Variants in PCYT1B observed in about 807,000 individuals in gnomAD.
PCYT1B encodes phosphate cytidylyltransferase 1B, choline.
In PCYT1B, 10 loss-of-function variants were observed where a neutral mutation model predicts 26.4. That is an observed-to-expected ratio of 0.38 (90% confidence interval 0.23 to 0.64). The LOEUF (loss-of-function observed/expected upper bound fraction) is 0.64. Ranked by LOEUF, PCYT1B falls within the 30% of genes least tolerant of loss-of-function variation. The pLI, the probability that PCYT1B is intolerant of heterozygous loss-of-function variation, is 0.56. For missense variants in PCYT1B, 161 were observed against 292.7 expected (o/e 0.55, Z 3.28); for synonymous variants, 131 against 108.4 (o/e 1.21, Z -1.29).
intron 1 of PCYT1B, among the ~76,000 whole-genome samples, chrX:24,639,508 A>T (rs1408490205): frequency 1.8e-5 from 2 of 111,364 alleles, no homozygotes; most frequent in Admixed American, 9.6e-5. Context: ...ATTTGCTCTC[A>T]TCACTGCATC....
rs1923982160 is a variant in PCYT1B, at chrX:24,575,377, T to A, written c.709-59A>T. 8 of 872,522 alleles carry A rather than the reference T, an allele frequency of 9.2e-6. No homozygotes were observed. The East Asian group carries it at 2.6e-4, about 28-fold the overall frequency. The allele number at this position is 872,522 out of a possible 1,213,427, so 71.9% of individuals were successfully genotyped here. On this transcript the variant is annotated intron_variant, in intron 6 of 7. Coordinates refer to ENST00000379144, the MANE Select transcript of PCYT1B (RefSeq NM_004845.5). ...TTTATCCAAGAGGACATGAGAGAGA[T>A]CAATCATTCACATTAAAGTTCATAT...
intron 2 of PCYT1B, among the ~76,000 whole-genome samples, chrX:24,610,204 G>A (rs980966493): frequency 9.0e-6 from 1 of 111,601 alleles, no homozygotes; most frequent in African/African-American, 3.3e-5. Context: ...ATTTAAAATT[G>A]TGATTATTTC....
chrX:24,608,637 A>T (rs1421044941), intron 2 of PCYT1B, among the ~76,000 whole-genome samples: 2 of 111,524 alleles, frequency 1.8e-5, no homozygotes, highest in Non-Finnish European at 3.8e-5. Context: ...GGTCACACAG[A>T]CAGTGGCATC....
At chrX:24,605,574 T>C (rs778077329) in intron 3 of PCYT1B, among the ~76,000 whole-genome samples, 4 of 112,161 alleles carry the variant, frequency 3.6e-5, no homozygotes, top group Non-Finnish European at 7.5e-5. Flanking sequence ...TGTTCATGGC[T>C]GCATCCCCAG....
rs1310400457 is a variant in PCYT1B at position 24,558,328 on chromosome X, T to C, written c.*3965A>G. The C allele has an allele frequency of 3.6e-5, 4 of 111,937 alleles. No homozygotes were observed. The highest frequency in any genetic ancestry group is 9.8e-5 in the African/African-American group (3 of 30,670). The allele number at this position is 111,937 out of a possible 1,213,427, so 9.2% of individuals were successfully genotyped here. On this transcript the variant is annotated 3_prime_UTR_variant, in exon 8 of 8. Transcript: ENST00000379144. ...TATGTATGCTCTACTTATGGCTTTG[T>C]CCCTGGACACATCGCAGTGACACAA... is the stretch of plus-strand genomic sequence containing the variant.
chrX:24,594,322 G>A (rs115154685), intron 3 of PCYT1B, among the ~76,000 whole-genome samples: 4 of 111,380 alleles, frequency 3.6e-5, no homozygotes, highest in African/African-American at 1.3e-4. Flanking sequence ...CCCATAAACA[G>A]GAATTCTTTA....
At chrX:24,650,317 CT>C (rs575150338), upstream of PCYT1B, among the ~76,000 whole-genome samples, 992 of 75,668 alleles carry the variant, frequency 0.013, 21 homozygotes, top group African/African-American at 0.042. Flanking sequence ...TATTATGTAG[CT>C]TTTTTTTTTT....
intron 7 of PCYT1B, among the ~76,000 whole-genome samples, chrX:24,570,173 G>A (rs1273555865): frequency 1.1e-5 from 1 of 92,202 alleles, no homozygotes; most frequent in East Asian, 3.6e-4. Flanking sequence ...GGAGACAAGA[G>A]CAAGGCTCAG....
chrX:24,616,210 T>G lies in PCYT1B; in HGVS notation c.217+2775A>C, dbSNP rs1353712202. On this transcript the variant is annotated intron_variant, in intron 2 of 7. Transcript: ENST00000379144. ...CTTTAACTTTAGGTCAAGTCTGTTTTCTTCATAACCACCTGGACTTTTTTT... is the reference window on the plus strand; with the variant it reads ...CTTTAACTTTAGGTCAAGTCTGTTTGCTTCATAACCACCTGGACTTTTTTT... Among the ~76,000 whole-genome samples, 3 of 107,637 alleles carry G rather than the reference T, an allele frequency of 2.8e-5. No individual in the cohort carries two copies. In the East Asian group the frequency reaches 8.6e-4, roughly 31 times the overall value. 93.5% of individuals were successfully genotyped at this position (107,637 alleles called of 115,157 possible).
Position 24,562,426 on chromosome X carries a change from C to T in PCYT1B, c.977G>A (p.Arg326Gln), listed in dbSNP as rs770019516. Reference protein sequence around the residue: ...PKQSPVSSPTRSRSPSRSPSP... With the variant: ...PKQSPVSSPTQSRSPSRSPSP... Reference sequence around the variant, plus strand: ...TGGGGAGCGGGAAGGGGACCGGCTCCGGGTTGGGCTGCTCACAGGGCTCTG... The same window carrying T: ...TGGGGAGCGGGAAGGGGACCGGCTCTGGGTTGGGCTGCTCACAGGGCTCTG... Residue 326 changes from arginine to glutamine, a missense_variant, in exon 8 of 8, where the codon CGG becomes CAG. Around this residue, in one of 4 missense-constraint regions of PCYT1B, gnomAD observed 38 missense variants for 55.9 expected, o/e 0.68. Coordinates refer to ENST00000379144, the MANE Select transcript of PCYT1B (RefSeq NM_004845.5). 5 of 1,193,913 alleles carry T rather than the reference C, an allele frequency of 4.2e-6. No homozygotes were observed. The highest frequency in any genetic ancestry group is 4.6e-5 in the Admixed American group (2 of 43,015).
intron 1 of PCYT1B, among the ~76,000 whole-genome samples, chrX:24,640,645 G>A (rs764742901): frequency 9.0e-6 from 1 of 111,280 alleles, no homozygotes; most frequent in Admixed American, 9.6e-5. Context: ...ACTCTTCCTA[G>A]GTAACCATCT....
intron 3 of PCYT1B, 106 bp from the exon 4 acceptor site, chrX:24,590,280 C>T (rs1167711273): frequency 1.1e-5 from 7 of 630,844 alleles, no homozygotes; most frequent in East Asian, 1.1e-4. Context: ...AGCACAGCCT[C>T]GCTAGGTGCT....
chrX:24,575,764 A>G (rs1232879887), intron 6 of PCYT1B, among the ~76,000 whole-genome samples: 1 of 112,402 alleles, frequency 8.9e-6, no homozygotes, highest in Admixed American at 9.5e-5. Context: ...TTAAAACAAT[A>G]TTGCTTGAAA....
chrX:24,652,743 T>C (rs1252790960), intron 1 of PCYT1B, among the ~76,000 whole-genome samples: 1 of 110,672 alleles, frequency 9.0e-6, no homozygotes, highest in Non-Finnish European at 1.9e-5. Context: ...AAATGACATC[T>C]ACCTTCCTAC....
At chrX:24,670,109 AAAGAAAGGAAGGAAGG>A (rs1927222001) in intron 1 of PCYT1B, among the ~76,000 whole-genome samples, 10 of 25,243 alleles carry the variant, frequency 4.0e-4, no homozygotes, top group African/African-American at 6.2e-4. Context: ...AGAAAGAAAG[AAAGAAAGGAAGGAAGG>A]AAGGAAGGAA....
intron 2 of PCYT1B, among the ~76,000 whole-genome samples, chrX:24,612,762 C>T (rs1602180224): frequency 8.9e-6 from 1 of 112,143 alleles, no homozygotes; most frequent in East Asian, 2.8e-4. Context: ...CACACACCTG[C>T]CATACAGCCA....
chrX:24,652,935 ATTAG>A (rs996574396), intron 1 of PCYT1B, among the ~76,000 whole-genome samples: 6 of 110,112 alleles, frequency 5.4e-5, no homozygotes, highest in African/African-American at 1.7e-4. Context: ...AACACAGAAA[ATTAG>A]TTAGGCGTGG....
chrX:24,601,493 GA>G (rs770641178), intron 3 of PCYT1B, among the ~76,000 whole-genome samples: 6,436 of 55,055 alleles, frequency 0.12, 571 homozygotes, highest in African/African-American at 0.33. Context: ...ACTCTTTCTC[GA>G]AAAAAAAAAA....
chrX:24,583,285 T>C (rs1250036465), intron 5 of PCYT1B, among the ~76,000 whole-genome samples: 2 of 111,688 alleles, frequency 1.8e-5, no homozygotes, highest in African/African-American at 6.5e-5. Flanking sequence ...TATGCCCCAG[T>C]GGCAACTGCA....
Sources: gnomAD v4.1 joint callset for allele counts (sites outside exome capture counted in the v4.1 genomes callset) on GRCh38, gnomAD v4.1.1 for gene constraint, gnomAD v4.1.1 regional missense constraint, MANE v1.5 for transcripts, NCBI Gene and HGNC (gene_info 2026-07-23, HGNC 2026-07-21) for gene names.